Variants in RABGAP1L observed in about 807,000 individuals in gnomAD.
The protein encoded by RABGAP1L is rab GTPase-activating protein 1-like.
In RABGAP1L, 63 loss-of-function variants were observed where a neutral mutation model predicts 137.7. That is an observed-to-expected ratio of 0.46 (90% CI 0.37 to 0.56). RABGAP1L has a LOEUF of 0.56. Ranked by LOEUF, RABGAP1L falls within the 20% of genes least tolerant of loss-of-function variation. The pLI is 0.00. For missense variants in RABGAP1L, 1,095 were observed against 1,244.0 expected, an observed-to-expected ratio of 0.88 and a Z score of 1.80; for synonymous variants, 431 against 433.7, an observed-to-expected ratio of 0.99 and a Z score of 0.08.
intron 13 of RABGAP1L, among the ~76,000 whole-genome samples, chr1:174,516,928 A>AAAATAAATAAATAAATAAATAAAT (rs147145926): frequency 7.1e-6 from 1 of 141,100 alleles, no homozygotes; most frequent in African/African-American, 2.6e-5. Flanking sequence ...CTCTGTCTCA[A>AAAATAAATAAATAAATAAATAAAT]AAATAAATAA....
At chr1:174,929,828 T>C (rs1429621542) in intron 19 of RABGAP1L, among the ~76,000 whole-genome samples, 1 of 148,958 alleles carries the variant, frequency 6.7e-6, no homozygotes, top group Non-Finnish European at 1.5e-5. Context: ...TCATCTCTAC[T>C]GATTTTAAAG....
chr1:174,165,262 C>T (rs932437114), intron 1 of RABGAP1L, among the ~76,000 whole-genome samples: 9 of 152,160 alleles, frequency 5.9e-5, no homozygotes, highest in East Asian at 1.9e-4. Flanking sequence ...GATTCTCCTG[C>T]GTCAGCCTCC....
chr1:174,324,661 T>C (rs1222527795), intron 11 of RABGAP1L, among the ~76,000 whole-genome samples: 1 of 152,142 alleles, frequency 6.6e-6, no homozygotes, highest in African/African-American at 2.4e-5. Context: ...TAAAAGTAGA[T>C]GTTAGGACAT....
At chr1:174,809,861 C>T (rs1050502749) in intron 18 of RABGAP1L, among the ~76,000 whole-genome samples, 2 of 152,206 alleles carry the variant, frequency 1.3e-5, no homozygotes, top group African/African-American at 4.8e-5. Context: ...GTTAGAGAGG[C>T]TCTCTCTCAG....
At chr1:174,181,242 G>A (rs1167925837) in intron 1 of RABGAP1L, among the ~76,000 whole-genome samples, 2 of 151,998 alleles carry the variant, frequency 1.3e-5, no homozygotes, top group Non-Finnish European at 2.9e-5. Context: ...CTATGCTTAA[G>A]TGATCCTCTC....
intron 19 of RABGAP1L, among the ~76,000 whole-genome samples, chr1:174,891,325 G>T (rs954437496): frequency 2.0e-5 from 3 of 152,152 alleles, no homozygotes; most frequent in Non-Finnish European, 4.4e-5. Flanking sequence ...GATCATGATA[G>T]GTTGTGTATG....
chr1:174,347,139 A>C (rs901410547), intron 11 of RABGAP1L, among the ~76,000 whole-genome samples: 1 of 152,250 alleles, frequency 6.6e-6, no homozygotes, highest in Non-Finnish European at 1.5e-5. Context: ...CTAACTGATG[A>C]CCTATCCTTG....
chr1:174,869,384 C>G (rs1573588313), intron 19 of RABGAP1L, among the ~76,000 whole-genome samples: 1 of 152,060 alleles, frequency 6.6e-6, no homozygotes, highest in African/African-American at 2.4e-5. Flanking sequence ...CTCACAAGAT[C>G]TGATGGTTTT....
At chr1:174,567,574 G>C (rs1275213673) in intron 13 of RABGAP1L, among the ~76,000 whole-genome samples, 2 of 152,134 alleles carry the variant, frequency 1.3e-5, no homozygotes, top group Non-Finnish European at 2.9e-5. Flanking sequence ...TTTTAAATGA[G>C]GATAATTATG....
At chr1:174,914,285 T>C (rs1385491319) in intron 19 of RABGAP1L, among the ~76,000 whole-genome samples, 2 of 152,320 alleles carry the variant, frequency 1.3e-5, no homozygotes, top group East Asian at 3.9e-4. Context: ...ACCATCTCCC[T>C]GCCAACAGGG....
chr1:174,854,370 C>T (rs775968957), intron 19 of RABGAP1L, among the ~76,000 whole-genome samples: 6 of 152,060 alleles, frequency 3.9e-5, no homozygotes, highest in Non-Finnish European at 5.9e-5. Flanking sequence ...GTCACAGAGG[C>T]GTGCCCTTAT....
chr1:174,623,009 T>A (rs114903804), intron 13 of RABGAP1L, among the ~76,000 whole-genome samples: 1,648 of 152,322 alleles, frequency 0.011, 29 homozygotes, highest in African/African-American at 0.038. Context: ...TGTGATCAAC[T>A]TTTCACTTAA....
At chr1:174,251,509 T>C (rs1571781704) in intron 6 of RABGAP1L, among the ~76,000 whole-genome samples, 1 of 152,234 alleles carries the variant, frequency 6.6e-6, no homozygotes, top group East Asian at 1.9e-4. Flanking sequence ...ATTTTATCTG[T>C]AGTTTTACAG....
intron 13 of RABGAP1L, among the ~76,000 whole-genome samples, chr1:174,527,567 A>G (rs1664001443): frequency 1.3e-5 from 2 of 152,168 alleles, no homozygotes; most frequent in Admixed American, 6.5e-5. Context: ...ATGGCCCATC[A>G]TGGATAATGT....
intron 13 of RABGAP1L, among the ~76,000 whole-genome samples, chr1:174,607,703 C>G (rs1299376711): frequency 6.6e-6 from 1 of 152,220 alleles, no homozygotes; most frequent in Non-Finnish European, 1.5e-5. Flanking sequence ...CCATGATTTT[C>G]AGGAAATACT....
chr1:174,299,032 C>T (rs1432541353), intron 10 of RABGAP1L, among the ~76,000 whole-genome samples: 1 of 152,228 alleles, frequency 6.6e-6, no homozygotes, highest in African/African-American at 2.4e-5. Context: ...CGTGATTTCT[C>T]TCTGTCTAGT....
intron 13 of RABGAP1L, among the ~76,000 whole-genome samples, chr1:174,618,155 T>G (rs566409688): frequency 2.0e-5 from 3 of 152,182 alleles, no homozygotes; most frequent in Admixed American, 6.5e-5. Context: ...AAGCTCGAAC[T>G]GAGTGGAGCC....
At chr1:174,349,420 C>T (rs1197649412) in intron 11 of RABGAP1L, among the ~76,000 whole-genome samples, 25 of 136,302 alleles carry the variant, frequency 1.8e-4, no homozygotes, top group Non-Finnish European at 2.6e-4. Flanking sequence ...GACCCCCCCA[C>T]CTCCCTCCCG....
At chr1:174,967,816 T>C (rs925443795) in intron 20 of RABGAP1L, among the ~76,000 whole-genome samples, 3 of 152,006 alleles carry the variant, frequency 2.0e-5, no homozygotes, top group Non-Finnish European at 2.9e-5. Context: ...TGAGTAGAAT[T>C]CTATTGTGAA....
Sources: gnomAD v4.1 joint callset for allele counts (sites outside exome capture counted in the v4.1 genomes callset) on GRCh38, gnomAD v4.1.1 for gene constraint, MANE v1.5 for transcripts, NCBI Gene and HGNC (gene_info 2026-07-23, HGNC 2026-07-21) for gene names.